SLC9B1: variants seen among roughly 807,000 people sequenced by gnomAD.
SLC9B1 encodes the protein solute carrier family 9 member B1, also known as sodium/hydrogen exchanger 9B1.
SLC9B1 carries 32 observed loss-of-function variants against 51.7 expected under a neutral mutation model. That is an observed-to-expected ratio of 0.62 (90% confidence interval 0.47 to 0.83). SLC9B1 has a LOEUF of 0.83. Ranked by LOEUF, SLC9B1 falls within the 40% of genes least tolerant of loss-of-function variation. The pLI is 0.00. For synonymous variants in SLC9B1, 145 were observed against 212.7 expected (o/e 0.68, Z 2.77); for missense variants, 406 against 613.2 (o/e 0.66, Z 3.57).
chr4:102,972,980 A>T (rs1738843897), intron 3 of SLC9B1, among the ~76,000 whole-genome samples: 1 of 152,216 alleles, frequency 6.6e-6, no homozygotes, highest in South Asian at 2.1e-4. Context: ...TAGAACTAGA[A>T]CATACAACTT....
At chr4:102,894,620 A>G (rs899448806) in intron 11 of SLC9B1, among the ~76,000 whole-genome samples, 1 of 152,216 alleles carries the variant, frequency 6.6e-6, no homozygotes, top group Non-Finnish European at 1.5e-5. Context: ...TAGAAGATCT[A>G]TAAGAAAAAA....
chr4:102,981,582 A>C (rs1450812025), intron 3 of SLC9B1, among the ~76,000 whole-genome samples: 1 of 152,022 alleles, frequency 6.6e-6, no homozygotes, highest in Middle Eastern at 3.2e-3. Context: ...CTGTTGTGTT[A>C]ATTTACAATT....
chr4:103,017,313 T>C (rs541344169), intron 1 of SLC9B1, among the ~76,000 whole-genome samples: 15 of 152,310 alleles, frequency 9.8e-5, no homozygotes, highest in African/African-American at 3.6e-4. Context: ...GATTCAGTCA[T>C]CACATAATAG....
intron 11 of SLC9B1, 43 bp downstream of exon 11, chr4:102,905,471 A>T (rs1482508995): frequency 6.4e-7 from 1 of 1,551,848 alleles, no homozygotes; most frequent in Non-Finnish European, 8.8e-7. Context: ...TTTTAAAAGC[A>T]TCAAAATGAA....
chr4:102,946,218 T>G (rs562014520), intron 5 of SLC9B1, among the ~76,000 whole-genome samples: 1 of 152,226 alleles, frequency 6.6e-6, no homozygotes, highest in South Asian at 2.1e-4. Flanking sequence ...TCAATTCTCT[T>G]CATATCAGTG....
intron 1 of SLC9B1, among the ~76,000 whole-genome samples, chr4:103,006,265 A>G (rs1163832029): frequency 6.6e-6 from 1 of 152,102 alleles, no homozygotes; most frequent in Admixed American, 6.5e-5. Context: ...AGCTAGACTA[A>G]CAAAGAAAAA....
intron 6 of SLC9B1, among the ~76,000 whole-genome samples, chr4:102,941,212 CT>C (rs1318925687): frequency 2.0e-5 from 3 of 152,046 alleles, no homozygotes; most frequent in Non-Finnish European, 1.5e-5. Context: ...AACAAACCAC[CT>C]ATGGAATGGG....
intron 11 of SLC9B1, chr4:102,888,566 T>G (rs1004281520): frequency 1.3e-5 from 2 of 152,266 alleles, no homozygotes; most frequent in East Asian, 3.8e-4. Context: ...CTGGAGAATC[T>G]TTAAAATTTT....
At chr4:102,913,485 A>G (rs924497006) in intron 7 of SLC9B1, among the ~76,000 whole-genome samples, 1 of 152,204 alleles carries the variant, frequency 6.6e-6, no homozygotes. Flanking sequence ...GGTCTTCCGT[A>G]TGAAGCCAGC....
intron 3 of SLC9B1, among the ~76,000 whole-genome samples, chr4:102,967,939 TAC>T (rs1384827890): frequency 1.3e-5 from 2 of 152,216 alleles, no homozygotes; most frequent in South Asian, 2.1e-4. Context: ...TCAATTGATC[TAC>T]AAATTAACTG....
At chr4:102,914,045 G>A (rs1735470473) in intron 7 of SLC9B1, among the ~76,000 whole-genome samples, 1 of 151,996 alleles carries the variant, frequency 6.6e-6, no homozygotes, top group Non-Finnish European at 1.5e-5. Context: ...CAGTCTCCCT[G>A]AGCATTCGGG....
In SLC9B1 at chr4:102,989,850, G is replaced by T; in HGVS notation, c.161C>A (p.Thr54Lys). ...EEIKPQTKKE[T>K]YISCPLRGVL... ...TCCTCTTAGAGGACAAGAAATGTAT[G>T]TCTCCTTTTTTGTCTGTGGTTTTAT... is the stretch of plus-strand genomic sequence containing the variant. The change falls in exon 3 of 12, where the codon ACA becomes AAA. Residue 54 changes from threonine to lysine, a missense_variant. Around this residue, in one of 6 missense-constraint regions of SLC9B1, gnomAD observed 108 missense variants for 94.5 expected, o/e 1.14. Transcript: ENST00000296422. The T allele has an allele frequency of 6.2e-7, 1 of 1,601,592 alleles. No individual in the cohort carries two copies. The highest frequency in any genetic ancestry group is 1.1e-5 in the South Asian group (1 of 89,922).
chr4:102,943,158 C>CAAAAAAAAA (rs1475762867), intron 6 of SLC9B1, among the ~76,000 whole-genome samples: 16 of 111,360 alleles, frequency 1.4e-4, no homozygotes, highest in African/African-American at 4.8e-4. Flanking sequence ...TAGCCATAAT[C>CAAAAAAAAA]AAAAAAATAA....
chr4:102,970,478 C>T (rs993922396), intron 3 of SLC9B1, among the ~76,000 whole-genome samples: 4 of 152,098 alleles, frequency 2.6e-5, no homozygotes, highest in Non-Finnish European at 5.9e-5. Context: ...TACAAGAGCT[C>T]CTGAAGGAAG....
At chr4:102,982,943 G>A (rs1048884813) in intron 3 of SLC9B1, among the ~76,000 whole-genome samples, 1 of 152,066 alleles carries the variant, frequency 6.6e-6, no homozygotes, top group African/African-American at 2.4e-5. Flanking sequence ...GTAAGAGGAG[G>A]CATCCTTACC....
At chr4:103,008,975 A>AT (rs1304287019) in intron 1 of SLC9B1, among the ~76,000 whole-genome samples, 2 of 151,550 alleles carry the variant, frequency 1.3e-5, no homozygotes, top group Non-Finnish European at 2.9e-5. Flanking sequence ...AATTTTTTGT[A>AT]TTTTTAGTAG....
intron 3 of SLC9B1, among the ~76,000 whole-genome samples, chr4:102,965,297 A>G (rs1404391868): frequency 5.9e-5 from 9 of 152,138 alleles, no homozygotes; most frequent in Non-Finnish European, 1.5e-5. Flanking sequence ...GTATCTGCTT[A>G]GCTTCTGGTG....
chr4:102,931,989 T>G (rs1736481708), intron 7 of SLC9B1, 135 bp downstream of exon 7: 2 of 785,416 alleles, frequency 2.5e-6, no homozygotes, highest in African/African-American at 1.7e-5. Context: ...AGAATGAGCT[T>G]TCTATGGAGA....
intron 3 of SLC9B1, among the ~76,000 whole-genome samples, chr4:102,954,554 G>T (rs1441738750): frequency 6.6e-6 from 1 of 151,878 alleles, no homozygotes; most frequent in Non-Finnish European, 1.5e-5. Flanking sequence ...AACAATAGAA[G>T]ATGGAAGATA....
Sources: gnomAD v4.1 joint callset for allele counts (sites outside exome capture counted in the v4.1 genomes callset) on GRCh38, gnomAD v4.1.1 for gene constraint, gnomAD v4.1.1 regional missense constraint, MANE v1.5 for transcripts, NCBI Gene and HGNC (gene_info 2026-07-23, HGNC 2026-07-21) for gene names.